OR9Q1: variants seen among roughly 807,000 people sequenced by gnomAD.
OR9Q1 encodes olfactory receptor family 9 subfamily Q member 1.
For synonymous variants in OR9Q1, 153 were observed against 148.6 expected, an observed-to-expected ratio of 1.03 and a Z score of -0.22; for missense variants, 374 against 378.8, an observed-to-expected ratio of 0.99 and a Z score of 0.11.
Position 58,179,553 on chromosome 11 carries a change from A to G in OR9Q1, c.109A>G (p.Ile37Val), listed in dbSNP as rs746373376. 3 of 1,610,790 alleles carry G rather than the reference A, an allele frequency of 1.9e-6. No homozygotes were observed. Among genetic ancestry groups the G allele is most frequent in the South Asian group, 2.2e-5 (2 of 90,886 alleles). Residue 37 changes from isoleucine (I) to valine (V), a missense_variant, in exon 3 of 3, where the codon ATC (isoleucine) becomes GTC (valine). Coordinates refer to ENST00000335397, the MANE Select transcript of OR9Q1 (RefSeq NM_001005212.4). ...LFLLFLFMYL[I>V]TVLGNLEMII... ...CCTCTTGTTTTTATTTATGTATCTC[A>G]TCACCGTATTGGGGAACTTAGAGAT...
intron 1 of OR9Q1, among the ~76,000 whole-genome samples, chr11:58,043,460 C>T (rs1161330696): frequency 6.6e-6 from 1 of 152,170 alleles, no homozygotes; most frequent in Non-Finnish European, 1.5e-5. Flanking sequence ...TGAAGTAGTT[C>T]AGAGGCTCCT....
At chr11:58,127,229 C>T (rs1229119671) in intron 2 of OR9Q1, among the ~76,000 whole-genome samples, 3 of 152,158 alleles carry the variant, frequency 2.0e-5, no homozygotes, top group Non-Finnish European at 4.4e-5. Flanking sequence ...GGATTACAGG[C>T]ATGAGCCACC....
intron 2 of OR9Q1, among the ~76,000 whole-genome samples, chr11:58,087,265 T>A (rs1290577608): frequency 6.6e-6 from 1 of 151,782 alleles, no homozygotes; most frequent in South Asian, 2.1e-4. Flanking sequence ...ACTCAATACA[T>A]CATCAATCTC....
Position 58,179,531 on chromosome 11 carries a change from C to T in OR9Q1, c.87C>T (p.Leu29=). 6.2e-7 allele frequency: 1 copy of T among 1,612,938 alleles called. No homozygotes were observed. The highest frequency in any genetic ancestry group is 1.1e-5 in the South Asian group (1 of 90,848). ...EYPEWALPLF[L]LFLFMYLITV... is the part of the protein sequence containing the mutation. ...CTGAATGGGCACTCCCTCTCTTCCT[C>T]TTGTTTTTATTTATGTATCTCATCA... Residue 29 remains leucine, a synonymous_variant, in exon 3 of 3, where the codon CTC becomes CTT. Transcript: ENST00000335397.
intron 1 of OR9Q1, among the ~76,000 whole-genome samples, chr11:58,029,668 T>C (rs1485827418): frequency 1.3e-5 from 2 of 152,210 alleles, no homozygotes; most frequent in Non-Finnish European, 2.9e-5. Flanking sequence ...TGGTCACATA[T>C]TTCAAGTTGA....
intron 2 of OR9Q1, among the ~76,000 whole-genome samples, chr11:58,081,205 T>A (rs1853584436): frequency 6.6e-6 from 1 of 152,242 alleles, no homozygotes; most frequent in African/African-American, 2.4e-5. Flanking sequence ...ATTTTCTTAA[T>A]CCAGTCTATC....
At chr11:58,158,185 AAACT>A (rs1854425264) in intron 2 of OR9Q1, among the ~76,000 whole-genome samples, 1 of 152,128 alleles carries the variant, frequency 6.6e-6, no homozygotes, top group African/African-American at 2.4e-5. Context: ...GTCCTTCTTT[AAACT>A]AACTTTCTCT....
At chr11:58,104,964 G>C (rs1396406933) in intron 2 of OR9Q1, among the ~76,000 whole-genome samples, 1 of 151,916 alleles carries the variant, frequency 6.6e-6, no homozygotes, top group Non-Finnish European at 1.5e-5. Flanking sequence ...TAACCAATTC[G>C]GACTAATCCA....
At chr11:58,037,456 G>A (rs1853111543) in intron 1 of OR9Q1, among the ~76,000 whole-genome samples, 3 of 151,542 alleles carry the variant, frequency 2.0e-5, no homozygotes, top group Admixed American at 2.0e-4. Flanking sequence ...AAATGAGTTA[G>A]ACTTTTAGGT....
intron 2 of OR9Q1, among the ~76,000 whole-genome samples, chr11:58,133,020 G>A (rs546099827): frequency 1.1e-4 from 17 of 152,228 alleles, no homozygotes; most frequent in Non-Finnish European, 1.5e-4. Flanking sequence ...ATTTATCTGG[G>A]CCTCCAAAGC....
chr11:58,179,959 G>A lies in OR9Q1; in HGVS notation c.515G>A (p.Ser172Asn), dbSNP rs2119978493. Residue 172 changes from serine (S) to asparagine (N), a missense_variant, in exon 3 of 3, where the codon AGT becomes AAT. Transcript: ENST00000335397. ...SAFTLSFCGT[S>N]EIDFIFCDLP... Reference sequence around the variant, plus strand: ...TTCACTCTCTCCTTCTGTGGAACCAGTGAGATTGACTTTATTTTCTGTGAC... The same window carrying A: ...TTCACTCTCTCCTTCTGTGGAACCAATGAGATTGACTTTATTTTCTGTGAC... 1 of 1,614,164 alleles carries A rather than the reference G, an allele frequency of 6.2e-7. No individual in the cohort carries two copies. The highest frequency in any genetic ancestry group is 8.5e-7 in the Non-Finnish European group (1 of 1,180,036).
At chr11:58,118,659 A>G (rs553284687) in intron 2 of OR9Q1, 1 of 1,614,046 alleles carries the variant, frequency 6.2e-7, no homozygotes. Flanking sequence ...TGCCTGAGCC[A>G]CTTTGCAGAT....
intron 2 of OR9Q1, among the ~76,000 whole-genome samples, chr11:58,087,043 G>T (rs1312667197): frequency 6.6e-6 from 1 of 151,690 alleles, no homozygotes; most frequent in South Asian, 2.1e-4. Context: ...GAATGAATTT[G>T]TTCATTAGAT....
rs371108586 is a variant in OR9Q1 at position 58,027,578 on chromosome 11, G to A, written c.-93+3474G>A. ...TCTGATCCTTTACAGAAAATATTGGGTAATCCCTGCTCCAGGAAGAAGTGA... is the reference window on the plus strand; with the variant it reads ...TCTGATCCTTTACAGAAAATATTGGATAATCCCTGCTCCAGGAAGAAGTGA... On this transcript the variant is annotated intron_variant, in intron 1 of 2. Transcript: ENST00000335397. 3.4e-4 allele frequency among the ~76,000 whole-genome samples: 51 copies of A among 152,236 alleles called. 1 individual carries two copies. In the South Asian group the frequency reaches 1.0e-2, roughly 30 times the overall value.
intron 2 of OR9Q1, among the ~76,000 whole-genome samples, chr11:58,067,380 C>T (rs562515138): frequency 1.4e-4 from 22 of 152,288 alleles, no homozygotes; most frequent in Non-Finnish European, 2.9e-4. Flanking sequence ...TGCGAATTCT[C>T]GGAGTGATCT....
intron 2 of OR9Q1, chr11:58,118,851 G>A (rs1853990059): frequency 1.2e-6 from 2 of 1,613,896 alleles, no homozygotes; most frequent in Admixed American, 1.7e-5. Context: ...AGAAGATGAT[G>A]ACAATCTCGA....
chr11:58,141,635 G>C (rs146408692), intron 2 of OR9Q1, among the ~76,000 whole-genome samples: 5 of 152,060 alleles, frequency 3.3e-5, no homozygotes, highest in Non-Finnish European at 5.9e-5. Flanking sequence ...GTTTTATTGA[G>C]GATTTTTGCA....
intron 2 of OR9Q1, among the ~76,000 whole-genome samples, chr11:58,139,045 G>A (rs1854217015): frequency 6.6e-6 from 1 of 152,094 alleles, no homozygotes; most frequent in African/African-American, 2.4e-5. Flanking sequence ...GTGGGGCCCT[G>A]GGAAGATGGG....
intron 2 of OR9Q1, among the ~76,000 whole-genome samples, chr11:58,110,072 C>T (rs925383891): frequency 6.6e-5 from 10 of 152,264 alleles, no homozygotes; most frequent in Admixed American, 4.6e-4. Context: ...TGACTCCAGG[C>T]AGGGCCATTC....
Sources: gnomAD v4.1 joint callset for allele counts (sites outside exome capture counted in the v4.1 genomes callset) on GRCh38, gnomAD v4.1.1 for gene constraint, MANE v1.5 for transcripts, NCBI Gene and HGNC (gene_info 2026-07-23, HGNC 2026-07-21) for gene names.